Variants in ARHGAP31 observed in about 807,000 individuals in gnomAD.
ARHGAP31 encodes the protein rho GTPase-activating protein 31.
In ARHGAP31, 34 loss-of-function variants were observed where a neutral mutation model predicts 113.9. The ratio of observed to expected loss-of-function variants is 0.30; its 90% CI spans 0.23 to 0.40. The LOEUF is 0.40. Ranked by LOEUF, ARHGAP31 falls within the 10% of genes least tolerant of loss-of-function variation. ARHGAP31 has a pLI of 1.00. For missense variants in ARHGAP31, 1,548 were observed against 1,767.1 expected (o/e 0.88, Z 2.22); for synonymous variants, 650 against 684.8 (o/e 0.95, Z 0.79).
chr3:119,342,042 C>G (rs1284840264), intron 1 of ARHGAP31: 1 of 152,144 alleles, frequency 6.6e-6, no homozygotes, highest in Non-Finnish European at 1.5e-5. Context: ...CTAACCTGGT[C>G]CCCACCACTT....
chr3:119,415,519 C>A lies in ARHGAP31; in HGVS notation c.3590C>A (p.Ala1197Asp), dbSNP rs760212220. 8.1e-6 allele frequency: 13 copies of A among 1,613,980 alleles called. No homozygotes were observed. Among genetic ancestry groups the A allele is most frequent in the South Asian group, 1.1e-5 (1 of 91,082 alleles). Residue 1197 changes from alanine to aspartate, a missense_variant, in exon 12 of 12, where the codon GCC becomes GAC. Physicochemically the swap from Ala to Asp is moderately radical, Grantham distance 126. Transcript: ENST00000264245. ...RTSFMVKMCQ[A>D]RAVPVIPPKI... The stretch of plus-strand genomic sequence containing the variant: ...TCCTTCATGGTCAAAATGTGCCAGG[C>A]CAGGGCGGTCCCAGTCATCCCTCCC...
At chr3:119,410,529 G>A (rs547490434) in intron 11 of ARHGAP31, among the ~76,000 whole-genome samples, 2 of 152,252 alleles carry the variant, frequency 1.3e-5, no homozygotes, top group Admixed American at 1.3e-4. Context: ...TGCCATGGAG[G>A]CCTCAGGATG....
chr3:119,295,018 G>T lies in ARHGAP31; in HGVS notation c.100+14G>T, dbSNP rs768977689. 4.3e-6 allele frequency: 7 copies of T among 1,612,972 alleles called. No homozygotes were observed. In the South Asian group the frequency reaches 7.7e-5, roughly 18 times the overall value. On this transcript the variant is annotated intron_variant, in intron 1 of 11. Transcript: ENST00000264245. Reference sequence around the variant, plus strand: ...CGGGACAGGATGGTAATGTGCCTTGGCCTTTCTCCCCCGCCCCCACCTTCT... The same window carrying T: ...CGGGACAGGATGGTAATGTGCCTTGTCCTTTCTCCCCCGCCCCCACCTTCT...
At chr3:119,408,198 C>T (rs1342917572) in intron 10 of ARHGAP31, among the ~76,000 whole-genome samples, 1 of 152,132 alleles carries the variant, frequency 6.6e-6, no homozygotes, top group Non-Finnish European at 1.5e-5. Context: ...GGGGGGAGGT[C>T]CTGGAACCAG....
At chr3:119,410,998 T>C (rs1282582058) in intron 11 of ARHGAP31, among the ~76,000 whole-genome samples, 4 of 151,988 alleles carry the variant, frequency 2.6e-5, no homozygotes, top group Non-Finnish European at 5.9e-5. Context: ...GCAGATAACT[T>C]AGATGGAAGA....
intron 3 of ARHGAP31, among the ~76,000 whole-genome samples, chr3:119,373,552 C>G (rs540764370): frequency 5.9e-5 from 9 of 152,118 alleles, no homozygotes; most frequent in South Asian, 2.1e-4. Context: ...CAGCCTCCCC[C>G]ACCCGGGTTC....
At chr3:119,343,189 T>C (rs1346855892) in intron 1 of ARHGAP31, among the ~76,000 whole-genome samples, 2 of 152,202 alleles carry the variant, frequency 1.3e-5, no homozygotes, top group Non-Finnish European at 2.9e-5. Context: ...GGAGTATTTA[T>C]TGAGCTCCTA....
chr3:119,382,362 C>T lies in ARHGAP31; in HGVS notation c.502C>T (p.Arg168Trp). The T allele has an allele frequency of 1.2e-6, 2 of 1,614,132 alleles. No homozygotes were observed. The highest frequency in any genetic ancestry group is 1.7e-6 in the Non-Finnish European group (2 of 1,180,012). ...SFSSKTNMHARNLALVWAPNL... is the reference protein window; with the variant it reads ...SFSSKTNMHAWNLALVWAPNL... ...CAGCAGCAAGACCAACATGCACGCC[C>T]GGAACCTGGCCCTGGTGTGGGCGCC... The change falls in exon 5 of 12, where the codon CGG becomes TGG. Residue 168 changes from arginine (R) to tryptophan (W), a missense_variant. Coordinates refer to ENST00000264245, the MANE Select transcript of ARHGAP31 (RefSeq NM_020754.4).
intron 1 of ARHGAP31, among the ~76,000 whole-genome samples, chr3:119,361,765 G>A (rs914194343): frequency 7.2e-5 from 11 of 152,174 alleles, no homozygotes; most frequent in Admixed American, 5.2e-4. Context: ...TCTGAGAACC[G>A]CTGCTCTAAT....
intron 1 of ARHGAP31, among the ~76,000 whole-genome samples, chr3:119,340,537 C>T (rs746023813): frequency 2.1e-4 from 32 of 152,318 alleles, no homozygotes; most frequent in South Asian, 1.4e-3. Flanking sequence ...TTATGTGGGG[C>T]AGAGCCTGGG....
At chr3:119,361,696 G>A (rs764825002) in intron 1 of ARHGAP31, among the ~76,000 whole-genome samples, 3 of 152,126 alleles carry the variant, frequency 2.0e-5, no homozygotes, top group Non-Finnish European at 4.4e-5. Flanking sequence ...TTCAACTTTC[G>A]AGTACATCAG....
intron 9 of ARHGAP31, among the ~76,000 whole-genome samples, chr3:119,401,589 A>G (rs1029592457): frequency 6.6e-5 from 10 of 152,314 alleles, no homozygotes; most frequent in Admixed American, 2.6e-4. Context: ...AGTGATCTGT[A>G]TGGCACAACA....
At position 119,306,505 on chromosome 3, in the gene ARHGAP31, C is replaced by T. The variant is rs572917953; in HGVS notation, c.100+11501C>T. Among the ~76,000 whole-genome samples the T allele has an allele frequency of 4.8e-4, 73 of 152,198 alleles. 1 individual carries two copies. Among genetic ancestry groups the T allele is most frequent in the Admixed American group, 3.6e-3 (55 of 15,284 alleles). ...CTGGGAGGTGGAAGTTGCAGTAAGC[C>T]GAGATCGCACCACTGCACTCTAGCC... is the stretch of plus-strand genomic sequence containing the variant. On this transcript the variant is annotated intron_variant, in intron 1 of 11. Transcript: ENST00000264245.
At chr3:119,398,610 T>TACC (rs2080572169) in intron 8 of ARHGAP31, among the ~76,000 whole-genome samples, 2 of 152,364 alleles carry the variant, frequency 1.3e-5, no homozygotes, top group African/African-American at 4.8e-5. Flanking sequence ...GCATGGTGCA[T>TACC]ACCCAGTCAC....
intron 1 of ARHGAP31, among the ~76,000 whole-genome samples, chr3:119,295,760 G>C (rs967505148): frequency 7.2e-5 from 11 of 152,044 alleles, no homozygotes; most frequent in Admixed American, 3.9e-4. Context: ...ATGGGGGTAG[G>C]GGGGAGTTGG....
At chr3:119,373,380 A>G (rs570750437) in intron 3 of ARHGAP31, among the ~76,000 whole-genome samples, 3 of 152,322 alleles carry the variant, frequency 2.0e-5, no homozygotes, top group East Asian at 1.9e-4. Context: ...TGCACATTAA[A>G]TAAATAATTT....
chr3:119,402,548 C>T (rs113754925), intron 10 of ARHGAP31, 151 bp downstream of exon 10: 91 of 837,242 alleles, frequency 1.1e-4, no homozygotes, highest in African/African-American at 1.1e-3. Context: ...CATTTTACTG[C>T]GTGATCTTCA....
chr3:119,373,134 A>G (rs978255555), intron 3 of ARHGAP31, among the ~76,000 whole-genome samples: 1 of 152,146 alleles, frequency 6.6e-6, no homozygotes, highest in African/African-American at 2.4e-5. Context: ...CATATAAACT[A>G]TTTTTCTTTA....
intron 1 of ARHGAP31, among the ~76,000 whole-genome samples, chr3:119,335,268 C>G (rs1403023725): frequency 6.6e-6 from 1 of 152,170 alleles, no homozygotes; most frequent in Non-Finnish European, 1.5e-5. Flanking sequence ...ATTATTTAAT[C>G]TCTCTGAGCC....
Sources: gnomAD v4.1 joint callset for allele counts (sites outside exome capture counted in the v4.1 genomes callset) on GRCh38, gnomAD v4.1.1 for gene constraint, MANE v1.5 for transcripts, NCBI Gene and HGNC (gene_info 2026-07-23, HGNC 2026-07-21) for gene names.